Variants in INO80C observed in about 807,000 individuals in gnomAD.
INO80C encodes INO80 complex subunit C.
INO80C carries 17 observed loss-of-function variants against 17.7 expected under a neutral mutation model. The ratio of observed to expected loss-of-function variants is 0.96; its 90% CI spans 0.66 to 1.44. The LOEUF is 1.44. Among genes scored for constraint, INO80C ranks in the 40% most tolerant of loss-of-function variants. The pLI is 0.00. For synonymous variants in INO80C, 96 were observed against 95.8 expected, an observed-to-expected ratio of 1.00 and a Z score of -0.01; for missense variants, 244 against 245.0, an observed-to-expected ratio of 1.00 and a Z score of 0.03.
intron 4 of INO80C, 50 bp downstream of exon 4, chr18:35,478,232 A>C (rs1313820226): frequency 7.5e-7 from 1 of 1,328,522 alleles, no homozygotes; most frequent in South Asian, 1.3e-5. Context: ...ATTAGACATT[A>C]CTGTGAAATC....
intron 1 of INO80C, among the ~76,000 whole-genome samples, chr18:35,495,738 C>T (rs2045974400): frequency 6.6e-6 from 1 of 152,180 alleles, no homozygotes; most frequent in South Asian, 2.1e-4. Flanking sequence ...CAGTCGCAGG[C>T]TGGGAGCAAT....
intron 4 of INO80C, among the ~76,000 whole-genome samples, chr18:35,470,216 C>G (rs1469736977): frequency 6.6e-6 from 1 of 152,118 alleles, no homozygotes; most frequent in Non-Finnish European, 1.5e-5. Flanking sequence ...AACAAGCTGT[C>G]GGGAACTTAT....
chr18:35,486,984 C>T (rs757815452), intron 1 of INO80C, among the ~76,000 whole-genome samples: 1 of 152,052 alleles, frequency 6.6e-6, no homozygotes, highest in Admixed American at 6.6e-5. Flanking sequence ...TTAAAAGTCA[C>T]TGGCAAAGTA....
rs1187822596 is a variant in INO80C at position 35,497,728 on chromosome 18, G to A, written c.147C>T (p.Ser49=). The change falls in exon 1 of 5, where the codon AGC becomes AGT. Residue 49 remains serine (S), a synonymous_variant. Coordinates refer to ENST00000334598, the MANE Select transcript of INO80C (RefSeq NM_194281.4). ...GAGCGCGACTGCGTACCTGCGCAAA[G>A]CTGGAAGCGGACGCTTTTTTCTTCT... ...ASKKKKASAS[S]FAQGISMEAM... 1.9e-6 allele frequency: 3 copies of A among 1,612,108 alleles called. No individual in the cohort carries two copies. The highest frequency in any genetic ancestry group is 2.2e-5 in the South Asian group (2 of 90,996).
chr18:35,482,885 C>T (rs2045830312), intron 1 of INO80C, among the ~76,000 whole-genome samples: 2 of 152,200 alleles, frequency 1.3e-5, no homozygotes, highest in Admixed American at 6.5e-5. Flanking sequence ...CTCTACAGCT[C>T]AGCCAGTGAC....
chr18:35,489,245 T>C, intron 1 of INO80C: 1 of 228,470 alleles, frequency 4.4e-6, no homozygotes, highest in Middle Eastern at 1.7e-3. Flanking sequence ...GGTACCAATT[T>C]ATTGTATTAG....
At chr18:35,474,602 G>A (rs2045712798) in intron 4 of INO80C, among the ~76,000 whole-genome samples, 1 of 151,916 alleles carries the variant, frequency 6.6e-6, no homozygotes, top group Non-Finnish European at 1.5e-5. Flanking sequence ...CACGTGGATC[G>A]CTTGAGCCCA....
intron 1 of INO80C, chr18:35,487,902 T>C (rs1445439475): frequency 6.6e-6 from 1 of 152,030 alleles, no homozygotes; most frequent in Non-Finnish European, 1.5e-5. Flanking sequence ...CCATTCCAAA[T>C]AGGAGAAATA....
At chr18:35,473,745 G>A (rs145937995) in intron 4 of INO80C, among the ~76,000 whole-genome samples, 475 of 152,212 alleles carry the variant, frequency 3.1e-3, no homozygotes, top group Non-Finnish European at 4.9e-3. Context: ...AAAAAATCAT[G>A]CCCTTGAGTA....
intron 4 of INO80C, among the ~76,000 whole-genome samples, chr18:35,472,055 A>G (rs1417778146): frequency 2.0e-5 from 3 of 152,234 alleles, no homozygotes; most frequent in Non-Finnish European, 4.4e-5. Context: ...TAGTGCTACA[A>G]TAAACATACA....
intron 4 of INO80C, among the ~76,000 whole-genome samples, chr18:35,475,118 C>T (rs912496645): frequency 7.5e-6 from 1 of 133,760 alleles, no homozygotes; most frequent in African/African-American, 2.9e-5. Flanking sequence ...AAATAATACC[C>T]TGAGTCATAT....
intron 4 of INO80C, among the ~76,000 whole-genome samples, chr18:35,474,220 TATATATATATATATATATATATATAC>T (rs2045705882): frequency 8.5e-6 from 1 of 117,636 alleles, no homozygotes; most frequent in Non-Finnish European, 1.8e-5. Context: ...TATATATATA[TATATATATATATATATATATATATAC>T]TTAATAACTA....
At chr18:35,471,828 C>G (rs1415732360) in intron 4 of INO80C, among the ~76,000 whole-genome samples, 1 of 16,820 alleles carries the variant, frequency 5.9e-5, no homozygotes, top group East Asian at 0.062. Flanking sequence ...TTGTTCAATT[C>G]CCACCTGAGT....
chr18:35,468,942 T>C (rs1275653745), intron 4 of INO80C, among the ~76,000 whole-genome samples, 200 bp from the exon 5 acceptor site: 1 of 152,074 alleles, frequency 6.6e-6, no homozygotes, highest in Non-Finnish European at 1.5e-5. Flanking sequence ...CTTCAGGGTA[T>C]GGACGAGAGG....
intron 3 of INO80C, chr18:35,478,895 T>TTTAG (rs1239212624): frequency 1.1e-5 from 2 of 180,328 alleles, no homozygotes; most frequent in Non-Finnish European, 2.3e-5. Flanking sequence ...GCATGAAGTA[T>TTTAG]TTACTAAACA....
At position 35,497,783 on chromosome 18, in the gene INO80C, C is replaced by T; in HGVS notation, c.92G>A (p.Gly31Asp). 6.2e-7 allele frequency: 1 copy of T among 1,613,272 alleles called. No homozygotes were observed. The highest frequency in any genetic ancestry group is 8.5e-7 in the Non-Finnish European group (1 of 1,179,612). ...GGCGCCATAGCCCCCGCCGCTGCTG[C>T]CATTGTGGGAAGGGCTGGCCGGCCT... ...KKRPASPSHN[G>D]SSGGGYGASK... The change falls in exon 1 of 5, where the codon GGC (glycine) becomes GAC (aspartate). Residue 31 changes from glycine (G) to aspartate (D), a missense_variant. Transcript: ENST00000334598.
chr18:35,492,284 G>A (rs899609580), intron 1 of INO80C, among the ~76,000 whole-genome samples: 3 of 152,232 alleles, frequency 2.0e-5, no homozygotes, highest in Admixed American at 1.3e-4. Flanking sequence ...CAATAATAAA[G>A]TCAATTAAAT....
Position 35,468,488 on chromosome 18 carries a change from T to C in INO80C, c.*123A>G, listed in dbSNP as rs2045629033. On this transcript the variant is annotated 3_prime_UTR_variant, in exon 5 of 5. Coordinates refer to ENST00000334598, the MANE Select transcript of INO80C (RefSeq NM_194281.4). ...CCCTTAAATTAAAGCCAAACATTCT[T>C]TCCAAGGCACAGCACTGGCATTTTC... The C allele has an allele frequency of 2.0e-6, 3 of 1,521,324 alleles. No individual in the cohort carries two copies. The Admixed American group carries it at 6.5e-5, about 33-fold the overall frequency. The allele number at this position is 1,521,324 out of a possible 1,614,324, so 94.2% of individuals were successfully genotyped here. A position where few individuals can be genotyped will look rare whatever the true frequency, so the allele number is the denominator to read the frequency against.
At chr18:35,493,504 A>T (rs1166028383) in intron 1 of INO80C, among the ~76,000 whole-genome samples, 3 of 152,202 alleles carry the variant, frequency 2.0e-5, no homozygotes, top group African/African-American at 7.2e-5. Flanking sequence ...TGAAATGATA[A>T]AACAAAGTTG....
Sources: allele counts gnomAD v4.1 joint callset (sites outside exome capture counted in the v4.1 genomes callset), GRCh38; gene constraint gnomAD v4.1.1; transcripts MANE v1.5; gene names NCBI Gene and HGNC (gene_info 2026-07-23, HGNC 2026-07-21).